The following RPA3 variants were observed in gnomAD, a reference collection of about 807,000 sequenced individuals.
The protein encoded by RPA3 is replication protein A 14 kDa subunit.
A neutral mutation model predicts 13.7 loss-of-function variants in RPA3; 24 were observed. The ratio of observed to expected loss-of-function variants is 1.75; its 90% CI spans 1.27 to 2.46. The LOEUF is 2.46. Ranked by LOEUF, RPA3 falls within the 30% of genes most tolerant of loss-of-function variation. RPA3 has a pLI of 0.00. For synonymous variants in RPA3, 59 were observed against 51.2 expected (o/e 1.15, Z -0.65); for missense variants, 183 against 151.0 (o/e 1.21, Z -1.11).
intron 4 of RPA3, among the ~76,000 whole-genome samples, chr7:7,656,877 G>C (rs1158847623): frequency 3.3e-5 from 5 of 152,176 alleles, no homozygotes; most frequent in African/African-American, 9.7e-5. Flanking sequence ...CTAGATCCTT[G>C]AGGAATCACC....
chr7:7,637,122 A>C (rs202155650), intron 7 of RPA3, 40 bp from the exon 8 acceptor site: 26 of 1,357,138 alleles, frequency 1.9e-5, no homozygotes, highest in Non-Finnish European at 7.4e-6. Flanking sequence ...TCTACAATGG[A>C]AAGTTGTAAC....
chr7:7,675,239 G>T (rs1227557553), intron 4 of RPA3, among the ~76,000 whole-genome samples: 1 of 152,184 alleles, frequency 6.6e-6, no homozygotes, highest in Non-Finnish European at 1.5e-5. Context: ...GAGGCTGTAA[G>T]TTGGGTGTAC....
chr7:7,652,153 G>A (rs1322056922), intron 4 of RPA3, among the ~76,000 whole-genome samples: 1 of 152,172 alleles, frequency 6.6e-6, no homozygotes, highest in Non-Finnish European at 1.5e-5. Context: ...CAGTGGGGAT[G>A]GACAAAGTAT....
intron 1 of RPA3, among the ~76,000 whole-genome samples, chr7:7,716,897 G>A (rs947669788): frequency 1.3e-5 from 2 of 152,088 alleles, no homozygotes; most frequent in African/African-American, 2.4e-5. Flanking sequence ...TATGTAAATG[G>A]CACACCTGGT....
rs79121679 is a variant in RPA3, at chr7:7,637,376, T to C, written c.284-294A>G. On this transcript the variant is annotated intron_variant, in intron 7 of 7. Coordinates refer to ENST00000223129, the MANE Select transcript of RPA3 (RefSeq NM_002947.5). Reference sequence around the variant, plus strand: ...TATTACAACAAAAAAACTAATACTATTTTTGTTATATTTAAAAAAATTATC... The same window carrying C: ...TATTACAACAAAAAAACTAATACTACTTTTGTTATATTTAAAAAAATTATC... Among the ~76,000 whole-genome samples, 996 of 152,292 alleles carry C rather than the reference T, an allele frequency of 6.5e-3. 7 individuals are homozygous for C. The highest frequency in any genetic ancestry group is 0.011 in the Non-Finnish European group (769 of 67,996).
At chr7:7,663,223 T>C (rs1207738226) in intron 4 of RPA3, among the ~76,000 whole-genome samples, 1 of 151,678 alleles carries the variant, frequency 6.6e-6, no homozygotes. Context: ...AATTGTTTAC[T>C]TCCACTCAAG....
intron 4 of RPA3, among the ~76,000 whole-genome samples, chr7:7,666,576 A>C (rs1056038598): frequency 2.6e-5 from 4 of 152,204 alleles, no homozygotes; most frequent in African/African-American, 9.6e-5. Context: ...ATTCTAATTT[A>C]CTTTTCCTTG....
chr7:7,641,401 C>T (rs547339656), intron 4 of RPA3: 5 of 152,398 alleles, frequency 3.3e-5, no homozygotes, highest in Admixed American at 3.3e-4. Context: ...AGGGTTCTCC[C>T]TTCTGAGGCG....
At chr7:7,649,133 G>C (rs531508883) in intron 4 of RPA3, among the ~76,000 whole-genome samples, 1 of 141,362 alleles carries the variant, frequency 7.1e-6, no homozygotes. Context: ...ACTCCAGCCC[G>C]TGCGACAAGA....
intron 2 of RPA3, among the ~76,000 whole-genome samples, chr7:7,706,880 A>G (rs1780615530): frequency 6.6e-6 from 1 of 152,196 alleles, no homozygotes; most frequent in Non-Finnish European, 1.5e-5. Flanking sequence ...AATAAAATCC[A>G]TTGCAGCACA....
intron 4 of RPA3, among the ~76,000 whole-genome samples, chr7:7,650,457 T>C (rs1029769430): frequency 1.3e-5 from 2 of 152,214 alleles, no homozygotes; most frequent in Non-Finnish European, 1.5e-5. Flanking sequence ...TCTTGTAATG[T>C]CTGCTTTGTT....
At chr7:7,691,594 G>C (rs568339512) in intron 2 of RPA3, among the ~76,000 whole-genome samples, 2 of 152,214 alleles carry the variant, frequency 1.3e-5, no homozygotes, top group African/African-American at 4.8e-5. Context: ...ACGCATTTCA[G>C]ATCATTTTGC....
intron 2 of RPA3, among the ~76,000 whole-genome samples, chr7:7,701,367 G>GAAAAC (rs750067911): frequency 2.0e-5 from 3 of 151,876 alleles, no homozygotes; most frequent in Non-Finnish European, 4.4e-5. Context: ...TTTGCTAGAA[G>GAAAAC]AAAACAAAGC....
intron 4 of RPA3, among the ~76,000 whole-genome samples, chr7:7,676,968 TA>T (rs1159460867): frequency 6.6e-6 from 1 of 152,206 alleles, no homozygotes; most frequent in Non-Finnish European, 1.5e-5. Flanking sequence ...ATATAATATC[TA>T]CTTTAGTCTC....
At chr7:7,675,376 C>T (rs1779713286) in intron 4 of RPA3, among the ~76,000 whole-genome samples, 1 of 152,148 alleles carries the variant, frequency 6.6e-6, no homozygotes, top group African/African-American at 2.4e-5. Context: ...ACTGCAGTGG[C>T]TCCTGGTGCT....
intron 1 of RPA3, 43 bp downstream of exon 1, chr7:7,718,472 A>G (rs895154017): frequency 2.0e-5 from 3 of 152,192 alleles, no homozygotes; most frequent in African/African-American, 7.2e-5. Context: ...AGTTATTTTG[A>G]AGGAAAAAAC....
intron 4 of RPA3, among the ~76,000 whole-genome samples, chr7:7,652,537 G>A (rs140526027): frequency 1.8e-3 from 268 of 152,312 alleles, no homozygotes; most frequent in African/African-American, 6.1e-3. Context: ...GGTTGATGCT[G>A]GTTTTATACA....
In RPA3 at chr7:7,639,117, G is replaced by T; in HGVS notation, c.127C>A (p.Leu43Ile). The part of the protein sequence containing the change: ...KIHPTGKMFI[L>I]SDGEGKNGTI... ...CCATTTTTTCCTTCTCCATCTGAAA[G>T]AATAAACATTTTTCCGGTGGGATGA... Residue 43 changes from leucine (L) to isoleucine (I), a missense_variant, in exon 6 of 8, where the codon CTT becomes ATT. By Grantham distance (5) the Leu-to-Ile change is conservative (BLOSUM62 2). Transcript: ENST00000223129. 1 of 1,611,986 alleles carries T rather than the reference G, an allele frequency of 6.2e-7. No homozygotes were observed. The highest frequency in any genetic ancestry group is 8.5e-7 in the Non-Finnish European group (1 of 1,179,236).
intron 2 of RPA3, among the ~76,000 whole-genome samples, chr7:7,711,892 A>G (rs1780774377): frequency 6.6e-6 from 1 of 152,132 alleles, no homozygotes; most frequent in Admixed American, 6.5e-5. Context: ...TCATCTTCCT[A>G]TAGCATCTTC....
Sources: gnomAD v4.1 joint callset for allele counts (sites outside exome capture counted in the v4.1 genomes callset) on GRCh38, gnomAD v4.1.1 for gene constraint, MANE v1.5 for transcripts, NCBI Gene and HGNC (gene_info 2026-07-23, HGNC 2026-07-21) for gene names.